TIAM1: variants seen among roughly 807,000 people sequenced by gnomAD.
TIAM1 encodes rho guanine nucleotide exchange factor TIAM1.
A neutral mutation model predicts 163.5 loss-of-function variants in TIAM1; 65 were observed. That is an observed-to-expected ratio of 0.40 (90% CI 0.33 to 0.49). The LOEUF (loss-of-function observed/expected upper bound fraction) is 0.49, where lower values mean the gene tolerates loss of function less well. Among genes scored for constraint, TIAM1 ranks in the 20% least tolerant of loss-of-function variants. TIAM1 has a pLI of 0.77. For synonymous variants in TIAM1, 833 were observed against 810.1 expected (o/e 1.03, Z -0.48); for missense variants, 1,789 against 2,044.7 (o/e 0.87, Z 2.41).
At chr21:31,447,302 T>A (rs2044663177) in intron 2 of TIAM1, among the ~76,000 whole-genome samples, 1 of 152,030 alleles carries the variant, frequency 6.6e-6, no homozygotes, top group Admixed American at 6.5e-5. Flanking sequence ...CAGGGTGTAG[T>A]GGTGTGCACC....
At chr21:31,381,434 G>A (rs1468692270) in intron 2 of TIAM1, among the ~76,000 whole-genome samples, 4 of 152,134 alleles carry the variant, frequency 2.6e-5, no homozygotes, top group African/African-American at 4.8e-5. Context: ...TTGGGAGGCC[G>A]TGGCAGGTGG....
Position 31,118,595 on chromosome 21 carries a change from C to A in TIAM1, c.*1773G>T. 2 of 471,598 alleles carry A rather than the reference C, an allele frequency of 4.2e-6. No individual in the cohort carries two copies. The highest frequency in any genetic ancestry group is 1.5e-5 in the South Asian group (1 of 64,554). The allele number at this position is 471,598 out of a possible 1,614,324, so 29.2% of individuals were successfully genotyped here. Reference sequence around the variant, plus strand: ...GCACCCTCTCCAAGCACCAGACTTCCGAGTGTTTTCAGATGGATGTGTTGC... The same window carrying A: ...GCACCCTCTCCAAGCACCAGACTTCAGAGTGTTTTCAGATGGATGTGTTGC... On this transcript the variant is annotated 3_prime_UTR_variant, in exon 28 of 28. Coordinates refer to ENST00000541036, the MANE Select transcript of TIAM1 (RefSeq NM_001353694.2).
At chr21:31,303,748 C>A (rs887905984) in intron 2 of TIAM1, among the ~76,000 whole-genome samples, 1 of 152,068 alleles carries the variant, frequency 6.6e-6, no homozygotes. Context: ...GAGGCTGAGG[C>A]GGGTGGATCA....
At chr21:31,393,932 T>C (rs1211405160) in intron 2 of TIAM1, among the ~76,000 whole-genome samples, 1 of 152,210 alleles carries the variant, frequency 6.6e-6, no homozygotes, top group African/African-American at 2.4e-5. Context: ...TTTTTTAATA[T>C]TTTCCAAATG....
intron 6 of TIAM1, among the ~76,000 whole-genome samples, chr21:31,237,969 T>C (rs536503370): frequency 2.0e-5 from 3 of 152,356 alleles, no homozygotes; most frequent in Non-Finnish European, 4.4e-5. Flanking sequence ...GCAGACAGCA[T>C]AGCACTTCTT....
chr21:31,320,377 G>C (rs1246401677), intron 2 of TIAM1, among the ~76,000 whole-genome samples: 2 of 152,136 alleles, frequency 1.3e-5, no homozygotes, highest in Non-Finnish European at 2.9e-5. Flanking sequence ...TCTAGAATTA[G>C]ATCATGGTAA....
rs34314952 is a variant in TIAM1 at position 31,499,873 on chromosome 21, CAA to C, written c.-421-35840_-421-35839del. The stretch of plus-strand genomic sequence containing the variant: ...TTAGGAAATAAAAAGAAGAAGAAAA[CAA>C]AAAAAAAAACAGCTGGATGCAGTGG... On this transcript the variant is annotated intron_variant, in intron 1 of 28. Coordinates refer to the TIAM1 transcript ENST00000286827. 2.8e-3 allele frequency among the ~76,000 whole-genome samples: 413 copies of C among 145,084 alleles called. 8 individuals are homozygous for C. The East Asian group carries it at 0.03, about 11-fold the overall frequency.
At chr21:31,392,687 C>A (rs2076988329) in intron 2 of TIAM1, among the ~76,000 whole-genome samples, 1 of 151,648 alleles carries the variant, frequency 6.6e-6, no homozygotes, top group Admixed American at 6.6e-5. Context: ...GAGGTGGGGC[C>A]AGGTAGGAGG....
intron 2 of TIAM1, among the ~76,000 whole-genome samples, chr21:31,439,404 C>G (rs1404876304): frequency 2.6e-5 from 4 of 152,208 alleles, no homozygotes; most frequent in Non-Finnish European, 5.9e-5. Flanking sequence ...ACTCTTGTGC[C>G]TCAGCCTCCC....
At chr21:31,302,842 C>T (rs1417831000) in intron 2 of TIAM1, among the ~76,000 whole-genome samples, 1 of 152,162 alleles carries the variant, frequency 6.6e-6, no homozygotes, top group Non-Finnish European at 1.5e-5. Flanking sequence ...AGCTATTTTC[C>T]TAATTGATGT....
intron 2 of TIAM1, among the ~76,000 whole-genome samples, chr21:31,463,777 C>T (rs1050144228): frequency 2.0e-5 from 3 of 146,570 alleles, no homozygotes; most frequent in African/African-American, 7.6e-5. Context: ...AAGATAGCGC[C>T]ATTGCACTCC....
chr21:31,132,939 C>T (rs957140868), intron 23 of TIAM1, among the ~76,000 whole-genome samples: 3 of 152,216 alleles, frequency 2.0e-5, no homozygotes, highest in Admixed American at 6.5e-5. Flanking sequence ...ATTTGGTACA[C>T]ATGAGCCATC....
At chr21:31,254,510 A>C (rs2071986891) in intron 4 of TIAM1, among the ~76,000 whole-genome samples, 1 of 152,214 alleles carries the variant, frequency 6.6e-6, no homozygotes, top group Non-Finnish European at 1.5e-5. Context: ...CCTGGGCAAC[A>C]AGGTGAAACC....
At chr21:31,208,556 A>G (rs190648911) in intron 11 of TIAM1, among the ~76,000 whole-genome samples, 14 of 152,372 alleles carry the variant, frequency 9.2e-5, no homozygotes, top group Admixed American at 5.9e-4. Flanking sequence ...TCCAAAAGCT[A>G]GAACCCTCGT....
chr21:31,486,840 G>A (rs1457466220), intron 1 of TIAM1, among the ~76,000 whole-genome samples: 6 of 152,180 alleles, frequency 3.9e-5, no homozygotes, highest in Non-Finnish European at 5.9e-5. Flanking sequence ...TCAGGCCCCC[G>A]CATGTCACAC....
At chr21:31,325,019 C>A (rs557844595) in intron 2 of TIAM1, among the ~76,000 whole-genome samples, 1 of 152,158 alleles carries the variant, frequency 6.6e-6, no homozygotes, top group South Asian at 2.1e-4. Flanking sequence ...GTGGCTCACA[C>A]CTGTAATCCC....
chr21:31,460,580 G>A (rs1046271304), intron 2 of TIAM1, among the ~76,000 whole-genome samples: 8 of 152,164 alleles, frequency 5.3e-5, no homozygotes, highest in Non-Finnish European at 8.8e-5. Flanking sequence ...GAGCCAAGAC[G>A]GTGCCACTGC....
At chr21:31,449,400 A>G (rs1296210083) in intron 2 of TIAM1, among the ~76,000 whole-genome samples, 3 of 151,900 alleles carry the variant, frequency 2.0e-5, no homozygotes, top group African/African-American at 7.3e-5. Flanking sequence ...TTTATTTGAG[A>G]CAGAGTCTTG....
chr21:31,287,811 C>T (rs533636712), intron 2 of TIAM1, among the ~76,000 whole-genome samples: 35 of 152,248 alleles, frequency 2.3e-4, no homozygotes, highest in African/African-American at 6.0e-4. Context: ...TGGGATTACA[C>T]GATGAGATTT....
Sources: allele counts gnomAD v4.1 joint callset (sites outside exome capture counted in the v4.1 genomes callset), GRCh38; gene constraint gnomAD v4.1.1; transcripts MANE v1.5; gene names NCBI Gene and HGNC (gene_info 2026-07-23, HGNC 2026-07-21).